Variants in UCK1 observed in about 807,000 individuals in gnomAD.
UCK1 encodes the protein cytidine monophosphokinase 1.
UCK1 carries 20 observed loss-of-function variants against 34.0 expected under a neutral mutation model. The ratio of observed to expected loss-of-function variants is 0.59; its 90% CI spans 0.41 to 0.86. UCK1 has a LOEUF of 0.86. Ranked by LOEUF, UCK1 falls within the 40% of genes least tolerant of loss-of-function variation. The probability of loss-of-function intolerance (pLI) is 0.00; values close to 1 mark genes in which losing one functional copy is unlikely to be tolerated. For synonymous variants in UCK1, 168 were observed against 155.9 expected, an observed-to-expected ratio of 1.08 and a Z score of -0.58; for missense variants, 343 against 383.6, an observed-to-expected ratio of 0.89 and a Z score of 0.88.
intron 5 of UCK1, among the ~76,000 whole-genome samples, chr9:131,527,630 AC>A (rs1204615409): frequency 2.0e-5 from 3 of 151,726 alleles, no homozygotes; most frequent in African/African-American, 7.3e-5. Flanking sequence ...TAATCTCAGC[AC>A]TTTGGGAAGC....
chr9:131,527,526 A>G (rs1381603385), intron 5 of UCK1, among the ~76,000 whole-genome samples: 1 of 152,190 alleles, frequency 6.6e-6, no homozygotes. Context: ...TTTTAAAATT[A>G]TATTTTAGAA....
At chr9:131,526,583 T>C (rs1303512570) in intron 5 of UCK1, 2 of 1,234,786 alleles carry the variant, frequency 1.6e-6, no homozygotes, top group African/African-American at 1.6e-5. Flanking sequence ...ATGGTGGGGG[T>C]TGGGGGGTGG....
In UCK1 at chr9:131,529,289, A is replaced by C; in HGVS notation, c.366-19T>G. 6.2e-7 allele frequency: 1 copy of C among 1,613,864 alleles called. No homozygotes were observed. Among genetic ancestry groups the C allele is most frequent in the Non-Finnish European group, 8.5e-7 (1 of 1,179,864 alleles). On this transcript the variant is annotated intron_variant, in intron 3 of 6. Transcript: ENST00000372215. ...TGGTAACCTGAGGGGCGCACGGGGA[A>C]AGGGGCTCTGCTGCAGACACAGGGT...
intron 5 of UCK1, 118 bp from the exon 6 acceptor site, chr9:131,526,095 G>T: frequency 2.6e-6 from 3 of 1,160,038 alleles, no homozygotes; most frequent in East Asian, 2.3e-5. Context: ...AGAGGTGCTG[G>T]TGTCATCGGC....
At chr9:131,528,441 A>C (rs372529542) in intron 5 of UCK1, among the ~76,000 whole-genome samples, 51 of 152,312 alleles carry the variant, frequency 3.3e-4, no homozygotes, top group African/African-American at 1.1e-3. Context: ...CCAAGATTTC[A>C]GAGCACTGGC....
rs1453648964 is a variant in UCK1 at position 131,529,112 on chromosome 9, C to T, written c.508+16G>A. Reference sequence around the variant, plus strand: ...AGCCTCGGCCAGGCAGGCACGGAGGCCCGCGGCCGCCTTACCTCTTCGAGA... The same window carrying T: ...AGCCTCGGCCAGGCAGGCACGGAGGTCCGCGGCCGCCTTACCTCTTCGAGA... On this transcript the variant is annotated intron_variant, in intron 4 of 6. Transcript: ENST00000372215. 6.2e-7 allele frequency: 1 copy of T among 1,613,210 alleles called. No homozygotes were observed. Among genetic ancestry groups the T allele is most frequent in the Non-Finnish European group, 8.5e-7 (1 of 1,179,762 alleles).
chr9:131,529,517 C>A lies in UCK1; in HGVS notation c.336G>T (p.Val112=), dbSNP rs140576828. 7 of 1,613,996 alleles carry A rather than the reference C, an allele frequency of 4.3e-6. No homozygotes were observed. Among genetic ancestry groups the A allele is most frequent in the Non-Finnish European group, 4.2e-6 (5 of 1,180,016 alleles). ...AGTGTGTCACAAAATCATAGGTCGG[C>A]ACCTCCACCGTTTTGCCCTCCACGA... The part of the protein sequence containing the change: ...KNIVEGKTVE[V]PTYDFVTHSR... Residue 112 remains valine, a synonymous_variant, in exon 3 of 7, where the codon GTG becomes GTT. Transcript: ENST00000372215.
At chr9:131,526,618 G>C (rs764158446) in intron 5 of UCK1, 126 of 835,920 alleles carry the variant, frequency 1.5e-4, no homozygotes, top group Non-Finnish European at 2.1e-4. Context: ...AAGCAGCCTG[G>C]AGAACATGGC....
intron 6 of UCK1, 81 bp downstream of exon 6, chr9:131,525,848 A>G: frequency 6.8e-7 from 1 of 1,476,980 alleles, no homozygotes; most frequent in Non-Finnish European, 9.4e-7. Context: ...GGGAGTGCTC[A>G]GTAACTGCAC....
chr9:131,525,948 C>T lies in UCK1; in HGVS notation c.633G>A (p.Pro211=), dbSNP rs2296957. ...TCTTACCCATATTGTCCACTCCTCG[C>T]GGGATGATCACATCGGCATACTTCT... ...PTKKYADVII[P]RGVDNMVAIN... Residue 211 remains proline (P), a synonymous_variant, in exon 6 of 7, where the codon CCG becomes CCA. Transcript: ENST00000372215. The T allele has an allele frequency of 0.92, 1,483,182 of 1,613,754 alleles. 686,801 individuals are homozygous for T. Among genetic ancestry groups the T allele is most frequent in the South Asian group, 0.97 (87,965 of 91,072 alleles).
rs1461168646 is a variant in UCK1 at position 131,525,017 on chromosome 9, C to T, written c.*23G>A. On this transcript the variant is annotated 3_prime_UTR_variant, in exon 7 of 7. Coordinates refer to ENST00000372215, the MANE Select transcript of UCK1 (RefSeq NM_031432.5). ...TGAACACACATGCCGGGCGGGAGAC[C>T]TGCCCTGAGGCTCGGCAGCCCCTCA... The T allele has an allele frequency of 1.2e-6, 2 of 1,600,660 alleles. No individual in the cohort carries two copies. The highest frequency in any genetic ancestry group is 1.1e-5 in the South Asian group (1 of 90,630).
Position 131,523,901 on chromosome 9 carries a change from C to G in UCK1, c.*1139G>C, listed in dbSNP as rs1425911139. On this transcript the variant is annotated 3_prime_UTR_variant, in exon 7 of 7. Transcript: ENST00000372215. ...AGAACCCAGCCACAGGGCTCAGCCC[C>G]CTTCCCCCACGTCACGTCTGCATCA... is the stretch of plus-strand genomic sequence containing the variant. 2 of 152,616 alleles carry G rather than the reference C, an allele frequency of 1.3e-5. No homozygotes were observed. Among genetic ancestry groups the G allele is most frequent in the East Asian group, 3.8e-4 (2 of 5,208 alleles). 9.5% of individuals were successfully genotyped at this position (152,616 alleles called of 1,614,324 possible).
rs755015030 is a variant in UCK1 at position 131,529,482 on chromosome 9, G to A, written c.365+6C>T. The A allele has an allele frequency of 7.4e-6, 12 of 1,613,934 alleles. No individual in the cohort carries two copies. Among genetic ancestry groups the A allele is most frequent in the African/African-American group, 1.3e-5 (1 of 74,886 alleles). On this transcript the variant is annotated splice_donor_region_variant and intron_variant, in intron 3 of 6. Coordinates refer to ENST00000372215, the MANE Select transcript of UCK1 (RefSeq NM_031432.5). Reference sequence around the variant, plus strand: ...TCCTCGGCCCTCCCTAGAACCACCTGCTTACCTTGAGTGTGTCACAAAATC... The same window carrying A: ...TCCTCGGCCCTCCCTAGAACCACCTACTTACCTTGAGTGTGTCACAAAATC...
intron 5 of UCK1, chr9:131,526,397 C>T (rs936247948): frequency 1.1e-5 from 14 of 1,287,126 alleles, no homozygotes; most frequent in East Asian, 5.4e-5. Flanking sequence ...ACAGGACAGC[C>T]GCCGCCGTGC....
chr9:131,524,976 C>G lies in UCK1; in HGVS notation c.*64G>C. The stretch of plus-strand genomic sequence containing the variant: ...GGAAGCAGTGGGTGTGGGTGGGCGT[C>G]CCCAGGCTCAGTCCCTGAACACACA... On this transcript the variant is annotated 3_prime_UTR_variant, in exon 7 of 7. Transcript: ENST00000372215. 6.4e-7 allele frequency: 1 copy of G among 1,557,230 alleles called. No individual in the cohort carries two copies. Among genetic ancestry groups the G allele is most frequent in the East Asian group, 2.3e-5 (1 of 44,080 alleles).
Position 131,525,141 on chromosome 9 carries a change from C to A in UCK1, c.733G>T (p.Gly245Trp). The A allele has an allele frequency of 6.2e-7, 1 of 1,614,128 alleles. No homozygotes were observed. The highest frequency in any genetic ancestry group is 8.5e-7 in the Non-Finnish European group (1 of 1,180,034). Residue 245 changes from glycine (G) to tryptophan (W), a missense_variant, in exon 7 of 7, where the codon GGG (glycine) becomes TGG (tryptophan). By Grantham distance (184) the Gly-to-Trp change is radical (BLOSUM62 -2). Coordinates refer to ENST00000372215, the MANE Select transcript of UCK1 (RefSeq NM_031432.5). ...ICKWHRGGSNGRSYKRTFSEP... is the reference protein window; with the variant it reads ...ICKWHRGGSNWRSYKRTFSEP... ...GAAAAGGTCCGCTTGTAGCTCCGCC[C>A]ATTGGACCCTCCTCGGTGCCATTTG...
chr9:131,525,644 A>C (rs867490170), intron 6 of UCK1, among the ~76,000 whole-genome samples: 10 of 151,846 alleles, frequency 6.6e-5, no homozygotes, highest in African/African-American at 2.2e-4. Context: ...ATGCCCAAAT[A>C]ATTTTATTTT....
At position 131,529,236 on chromosome 9, in the gene UCK1, C is replaced by T. The variant is rs1287112293; in HGVS notation, c.400G>A (p.Val134Met). The T allele has an allele frequency of 1.9e-6, 3 of 1,614,122 alleles. No homozygotes were observed. Among genetic ancestry groups the T allele is most frequent in the Non-Finnish European group, 1.7e-6 (2 of 1,180,018 alleles). Residue 134 changes from valine to methionine, a missense_variant, in exon 4 of 7, where the codon GTG becomes ATG. By Grantham distance (21) the Val-to-Met change is conservative. Transcript: ENST00000372215. ...ACCAAGATGCCCTCAAACAGAACCA[C>T]GTCCGCAGGGTAGACCACCGTGGTC... is the stretch of plus-strand genomic sequence containing the variant. ...PETTVVYPADVVLFEGILVFY... is the reference protein window; with the variant it reads ...PETTVVYPADMVLFEGILVFY...
intron 5 of UCK1, 198 bp downstream of exon 5, chr9:131,528,746 G>A (rs764842617): frequency 2.1e-5 from 14 of 656,044 alleles, no homozygotes; most frequent in Non-Finnish European, 3.6e-5. Flanking sequence ...GGCTTTTTTA[G>A]GCAGAGGGAG....
Sources: allele counts gnomAD v4.1 joint callset (sites outside exome capture counted in the v4.1 genomes callset), GRCh38; gene constraint gnomAD v4.1.1; transcripts MANE v1.5; gene names NCBI Gene and HGNC (gene_info 2026-07-23, HGNC 2026-07-21).